PRTN3: variants seen among roughly 807,000 people sequenced by gnomAD.
PRTN3 encodes myeloblastin.
PRTN3 carries 22 observed loss-of-function variants against 20.7 expected under a neutral mutation model. The ratio of observed to expected loss-of-function variants is 1.06; its 90% CI spans 0.76 to 1.52. PRTN3 has a LOEUF of 1.52. PRTN3 is among the 40% of genes most tolerant of loss of function. The pLI, the probability that PRTN3 is intolerant of heterozygous loss-of-function variation, is 0.00. For synonymous variants in PRTN3, 173 were observed against 152.9 expected (o/e 1.13, Z -0.97); for missense variants, 378 against 359.6 (o/e 1.05, Z -0.41).
chr19:847,966 CT>C lies in PRTN3; in HGVS notation c.769del (p.Ter257GlufsTer62), dbSNP rs2035541815. 1.9e-6 allele frequency: 3 copies of C among 1,598,162 alleles called. No homozygotes were observed. The highest frequency in any genetic ancestry group is 4.5e-5 in the East Asian group (2 of 44,386). On this transcript the variant is annotated frameshift_variant and stop_lost, in exon 5 of 5. Coordinates refer to ENST00000234347, the MANE Select transcript of PRTN3 (RefSeq NM_002777.4). LOFTEE classifies it high-confidence loss of function. ...GCCGTGTGGAGGCCAAGGGCCGCCCCTGAACCGCCCCTCCCACAGCGCTGGC... is the reference window on the plus strand; with the variant it reads ...GCCGTGTGGAGGCCAAGGGCCGCCCCGAACCGCCCCTCCCACAGCGCTGGC... The part of the protein sequence containing the change: ...LRRVEAKGRP[*>X]
In PRTN3 at chr19:841,023, C is replaced by T. The variant is rs538751839; in HGVS notation, c.15C>T (p.Pro5=). ...TGGACCCCACCATGGCTCACCGGCC[C>T]CCCAGCCCTGCCCTGGCGTCCGTGC... The part of the protein sequence containing the change: MAHR[P]PSPALASVLL... Residue 5 remains proline, a synonymous_variant, in exon 1 of 5, where the codon CCC becomes CCT. Coordinates refer to ENST00000234347, the MANE Select transcript of PRTN3 (RefSeq NM_002777.4). 1 of 1,609,186 alleles carries T rather than the reference C, an allele frequency of 6.2e-7. No individual in the cohort carries two copies. The highest frequency in any genetic ancestry group is 2.2e-5 in the East Asian group (1 of 44,888).
intron 4 of PRTN3, among the ~76,000 whole-genome samples, chr19:846,934 T>C (rs1223792999): frequency 2.0e-5 from 3 of 152,124 alleles, no homozygotes; most frequent in Admixed American, 1.3e-4. Flanking sequence ...TTAGTAGAGA[T>C]GAGGTTTCTC....
chr19:842,868 G>A (rs1030379836), intron 1 of PRTN3, among the ~76,000 whole-genome samples: 6 of 151,946 alleles, frequency 3.9e-5, no homozygotes, highest in Admixed American at 6.6e-5. Context: ...GATTACAGGC[G>A]TGGGCCAACC....
At chr19:844,946 A>ATTTTT (rs1203344875) in intron 3 of PRTN3, among the ~76,000 whole-genome samples, 1 of 123,114 alleles carries the variant, frequency 8.1e-6, no homozygotes, top group Admixed American at 8.6e-5. Context: ...TATAAAAGAC[A>ATTTTT]TTTTTTTTTT....
chr19:843,834 C>T (rs1169304432), intron 2 of PRTN3, 59 bp from the exon 3 acceptor site: 2 of 1,521,624 alleles, frequency 1.3e-6, no homozygotes, highest in Non-Finnish European at 1.8e-6. Flanking sequence ...CGGGAAGGGC[C>T]GGCTGTGGGC....
At chr19:843,678 G>A in intron 2 of PRTN3, 52 bp downstream of exon 2, 1 of 1,529,906 alleles carries the variant, frequency 6.5e-7, no homozygotes, top group Non-Finnish European at 8.7e-7. Context: ...TCTTCCTCCA[G>A]CCCTGGCCCG....
rs369015346 is a variant in PRTN3 at position 847,928 on chromosome 19, C to T, written c.730C>T (p.Arg244Cys). The T allele has an allele frequency of 7.5e-6, 12 of 1,606,974 alleles. No individual in the cohort carries two copies. Among genetic ancestry groups the T allele is most frequent in the African/African-American group, 5.3e-5 (4 of 74,862 alleles). ...GGTAGCCCTCTACGTGGACTGGATC[C>T]GTTCCACGCTGCGCCGTGTGGAGGC... ...TRVALYVDWI[R>C]STLRRVEAKG... The change falls in exon 5 of 5, where the codon CGT becomes TGT. Residue 244 changes from arginine to cysteine, a missense_variant. Coordinates refer to ENST00000234347, the MANE Select transcript of PRTN3 (RefSeq NM_002777.4).
At chr19:841,212 G>C in intron 1 of PRTN3, 143 bp downstream of exon 1, 5 of 1,129,834 alleles carry the variant, frequency 4.4e-6, no homozygotes, top group Non-Finnish European at 6.3e-6. Context: ...CTCACTGCTC[G>C]GGACCAACGC....
In PRTN3 at chr19:846,256, T is replaced by A; in HGVS notation, c.479T>A (p.Val160Glu). The change falls in exon 4 of 5, where the codon GTG becomes GAG. Residue 160 changes from valine to glutamate, a missense_variant. Physicochemically the swap from Val to Glu is moderately radical, Grantham distance 121 (BLOSUM62 -2). Transcript: ENST00000234347. ...TQCLAMGWGR[V>E]GAHDPPAQVL... ...TGCCTGGCCATGGGCTGGGGCCGCG[T>A]GGGTGCCCACGACCCCCCAGCCCAG... The A allele has an allele frequency of 6.4e-7, 1 of 1,567,728 alleles. No individual in the cohort carries two copies. The highest frequency in any genetic ancestry group is 1.7e-4 in the Middle Eastern group (1 of 6,008).
At chr19:844,174 C>A in intron 3 of PRTN3, 140 bp downstream of exon 3, 1 of 1,193,640 alleles carries the variant, frequency 8.4e-7, no homozygotes, top group Non-Finnish European at 1.1e-6. Context: ...TCCAGTGGCA[C>A]TGGCCGGGGG....
At chr19:844,537 G>C (rs1401208375) in intron 3 of PRTN3, among the ~76,000 whole-genome samples, 1 of 126,716 alleles carries the variant, frequency 7.9e-6, no homozygotes, top group African/African-American at 3.1e-5. Flanking sequence ...CCCTGCCTGC[G>C]CCTCCGCCCG....
intron 1 of PRTN3, among the ~76,000 whole-genome samples, chr19:841,766 CG>C (rs2035444208): frequency 7.9e-6 from 1 of 126,388 alleles, no homozygotes; most frequent in African/African-American, 3.0e-5. Context: ...CTCGCCCTGT[CG>C]CCCAGGCTGG....
chr19:841,013 C>T lies in PRTN3; in HGVS notation c.5C>T (p.Ala2Val), dbSNP rs763610696. 5 of 1,609,286 alleles carry T rather than the reference C, an allele frequency of 3.1e-6. No homozygotes were observed. The Admixed American group carries it at 8.4e-5, about 27-fold the overall frequency. Residue 2 changes from alanine to valine, a missense_variant, in exon 1 of 5, where the codon GCT (alanine) becomes GTT (valine). Ala to Val is a moderately conservative substitution (Grantham distance 64). Transcript: ENST00000234347. ...GGGTGCACCCTGGACCCCACCATGG[C>T]TCACCGGCCCCCCAGCCCTGCCCTG... M[A>V]HRPPSPALAS... is the part of the protein sequence containing the mutation.
chr19:841,115 G>C (rs1431230325), intron 1 of PRTN3, 46 bp downstream of exon 1: 1 of 1,588,782 alleles, frequency 6.3e-7, no homozygotes, highest in Non-Finnish European at 8.5e-7. Flanking sequence ...GGCCCCGGTG[G>C]ATTGTGGGGA....
chr19:847,517 GA>G (rs2035532102), intron 4 of PRTN3, among the ~76,000 whole-genome samples: 1 of 136,718 alleles, frequency 7.3e-6, no homozygotes, highest in African/African-American at 2.7e-5. Flanking sequence ...AAGAAAGAAA[GA>G]AAAAGAGAGA....
chr19:846,677 C>T (rs1021924733), intron 4 of PRTN3, among the ~76,000 whole-genome samples: 1 of 152,200 alleles, frequency 6.6e-6, no homozygotes, highest in Admixed American at 6.5e-5. Flanking sequence ...TCCAGGACTC[C>T]AGGTATCCAG....
In PRTN3 at chr19:843,978, G is replaced by C. The variant is rs1205319125; in HGVS notation, c.313G>C (p.Val105Leu). Residue 105 changes from valine (V) to leucine (L), a missense_variant, in exon 3 of 5, where the codon GTG becomes CTG. Physicochemically the swap from Val to Leu is conservative, Grantham distance 32. Transcript: ENST00000234347. Reference protein sequence around the residue: ...PTQQHFSVAQVFLNNYDAENK... With the variant: ...PTQQHFSVAQLFLNNYDAENK... ...CCAGCAGCACTTCTCGGTGGCTCAG[G>C]TGTTTCTGAACAACTACGACGCGGA... 1.2e-6 allele frequency: 2 copies of C among 1,605,578 alleles called. No individual in the cohort carries two copies. The highest frequency in any genetic ancestry group is 1.7e-6 in the Non-Finnish European group (2 of 1,176,748).
Position 844,946 on chromosome 19 carries a change from A to ATTT in PRTN3, c.369+930_369+932dup, listed in dbSNP as rs1203344875. On this transcript the variant is annotated intron_variant, in intron 3 of 4. Coordinates refer to ENST00000234347, the MANE Select transcript of PRTN3 (RefSeq NM_002777.4). Reference sequence around the variant, plus strand: ...GTGAGACCCCATCTCTATAAAAGACATTTTTTTTTTTTTTTTTTTTAGACA... The same window carrying ATTT: ...GTGAGACCCCATCTCTATAAAAGACATTTTTTTTTTTTTTTTTTTTTTTAGACA... 8.5e-3 allele frequency among the ~76,000 whole-genome samples: 1,047 copies of ATTT among 123,090 alleles called. 19 individuals carry two copies. Among genetic ancestry groups the ATTT allele is most frequent in the Admixed American group, 0.011 (131 of 11,664 alleles). 80.8% of individuals were successfully genotyped at this position (123,090 alleles called of 152,430 possible).
chr19:847,805 T>C lies in PRTN3; in HGVS notation c.607T>C (p.Ser203Pro), dbSNP rs1444308168. ...GGCCGTCCCTGTCCTCCAGGGAGACTCAGGTGGCCCCCTGATCTGTGATGG... is the reference window on the plus strand; with the variant it reads ...GGCCGTCCCTGTCCTCCAGGGAGACCCAGGTGGCCCCCTGATCTGTGATGG... ...RRKAGICFGD[S>P]GGPLICDGII... Residue 203 changes from serine to proline, a missense_variant, in exon 5 of 5, where the codon TCA becomes CCA. Physicochemically the swap from Ser to Pro is moderately conservative, Grantham distance 74. Transcript: ENST00000234347. 6.2e-7 allele frequency: 1 copy of C among 1,607,832 alleles called. No individual in the cohort carries two copies. The highest frequency in any genetic ancestry group is 8.5e-7 in the Non-Finnish European group (1 of 1,176,914).
Sources: allele counts gnomAD v4.1 joint callset (sites outside exome capture counted in the v4.1 genomes callset), GRCh38; gene constraint gnomAD v4.1.1; transcripts MANE v1.5; gene names NCBI Gene and HGNC (gene_info 2026-07-23, HGNC 2026-07-21).